Variants in PCMTD1 observed in about 807,000 individuals in gnomAD.
The protein encoded by PCMTD1 is protein-L-isoaspartate (D-aspartate) O-methyltransferase domain containing 1, also known as protein-L-isoaspartate O-methyltransferase domain-containing protein 1.
PCMTD1 carries 12 observed loss-of-function variants against 37.6 expected under a neutral mutation model. That is an observed-to-expected ratio of 0.32 (90% CI 0.20 to 0.52). The LOEUF is 0.52. Among genes scored for constraint, PCMTD1 ranks in the 20% least tolerant of loss-of-function variants. PCMTD1 has a pLI of 0.97. For missense variants in PCMTD1, 235 were observed against 421.3 expected, an observed-to-expected ratio of 0.56 and a Z score of 3.87; for synonymous variants, 117 against 135.8, an observed-to-expected ratio of 0.86 and a Z score of 0.96.
At chr8:51,851,245 T>C (rs1563346406) in intron 2 of PCMTD1, among the ~76,000 whole-genome samples, 2 of 152,182 alleles carry the variant, frequency 1.3e-5, no homozygotes, top group Admixed American at 6.5e-5. Context: ...TCCTGGAATT[T>C]GCCAGAAACA....
At chr8:51,838,522 T>C (rs1360606969) in intron 3 of PCMTD1, among the ~76,000 whole-genome samples, 1 of 152,094 alleles carries the variant, frequency 6.6e-6, no homozygotes, top group East Asian at 1.9e-4. Context: ...AAATGTTTAC[T>C]GATATTTATA....
intron 1 of PCMTD1, among the ~76,000 whole-genome samples, chr8:51,879,143 A>C (rs2038756391): frequency 6.6e-6 from 1 of 152,118 alleles, no homozygotes; most frequent in African/African-American, 2.4e-5. Context: ...AAAAAAGAAA[A>C]AAAGCAAGAA....
At chr8:51,882,820 A>G (rs928237458) in intron 1 of PCMTD1, among the ~76,000 whole-genome samples, 1 of 148,058 alleles carries the variant, frequency 6.8e-6, no homozygotes, top group African/African-American at 2.5e-5. Flanking sequence ...AGCATACTTA[A>G]AAAAAAAAAA....
chr8:51,864,594 A>C (rs1166134401), intron 1 of PCMTD1, among the ~76,000 whole-genome samples: 1 of 152,252 alleles, frequency 6.6e-6, no homozygotes, highest in African/African-American at 2.4e-5. Flanking sequence ...ACACACAGAA[A>C]TAAACAATAT....
At chr8:51,845,500 T>C (rs780814430) in intron 3 of PCMTD1, 161 bp downstream of exon 3, 12 of 521,004 alleles carry the variant, frequency 2.3e-5, no homozygotes, top group Non-Finnish European at 3.4e-5. Flanking sequence ...ATAGTAAAAG[T>C]TATACCACAG....
intron 2 of PCMTD1, among the ~76,000 whole-genome samples, chr8:51,853,210 G>A (rs2038334294): frequency 6.6e-6 from 1 of 152,200 alleles, no homozygotes; most frequent in Admixed American, 6.5e-5. Context: ...CAAGGGTGTA[G>A]GAGGGTAGAT....
Position 51,825,788 on chromosome 8 carries a change from C to CAAATCAAA in PCMTD1, c.707-5078_707-5071dup, listed in dbSNP as rs2037913059. ...ATCATCACTGGTCGTTAAAGAAATG[C>CAAATCAAA]AAATCAAAACCACAATGAAATGCCA... On this transcript the variant is annotated intron_variant, in intron 5 of 5. Transcript: ENST00000522514. 2.0e-5 allele frequency among the ~76,000 whole-genome samples: 3 copies of CAAATCAAA among 151,036 alleles called. No individual in the cohort carries two copies. The East Asian group carries it at 5.9e-4, about 29-fold the overall frequency.
At chr8:51,867,556 T>C (rs185966582) in intron 1 of PCMTD1, among the ~76,000 whole-genome samples, 63 of 151,132 alleles carry the variant, frequency 4.2e-4, no homozygotes, top group African/African-American at 1.5e-3. Context: ...AAGATAAATA[T>C]AGACTTACAT....
chr8:51,839,093 T>C lies in PCMTD1; in HGVS notation c.411-5404A>G, dbSNP rs907776893. ...TAAAAAGTAGCAATCATTTTTATTC[T>C]TTGAAAAAAAAAATGTTCAAAACAA... On this transcript the variant is annotated intron_variant, in intron 3 of 5. Transcript: ENST00000522514. Among the ~76,000 whole-genome samples the C allele has an allele frequency of 1.8e-4, 12 of 66,374 alleles. 1 individual carries two copies. Among genetic ancestry groups the C allele is most frequent in the Non-Finnish European group, 9.4e-4 (12 of 12,810 alleles). The allele number at this position is 66,374 out of a possible 152,430, so 43.5% of individuals were successfully genotyped here.
chr8:51,820,442 T>C lies in PCMTD1; in HGVS notation c.983A>G (p.Glu328Gly). 6.2e-7 allele frequency: 1 copy of C among 1,613,170 alleles called. No individual in the cohort carries two copies. Among genetic ancestry groups the C allele is most frequent in the Admixed American group, 1.7e-5 (1 of 59,832 alleles). The change falls in exon 6 of 6, where the codon GAG (glutamate) becomes GGG (glycine). Residue 328 changes from glutamate (E) to glycine (G), a missense_variant. Transcript: ENST00000522514. ...KDHNEAMKPEEPPQNLLREKI... is the reference protein window; with the variant it reads ...KDHNEAMKPEGPPQNLLREKI... ...TTCTCTCAGTAAATTTTGAGGTGGC[T>C]CCTCTGGCTTCATTGCTTCATTGTG...
At chr8:51,841,827 A>G (rs2038150554) in intron 3 of PCMTD1, among the ~76,000 whole-genome samples, 1 of 152,224 alleles carries the variant, frequency 6.6e-6, no homozygotes, top group Non-Finnish European at 1.5e-5. Context: ...GTACAATAGG[A>G]GTCAGCAAAC....
chr8:51,876,384 A>C (rs1255348532), intron 1 of PCMTD1, among the ~76,000 whole-genome samples: 1 of 86,908 alleles, frequency 1.2e-5, no homozygotes, highest in African/African-American at 2.6e-5. Context: ...AAATATACAT[A>C]AACACACACA....
chr8:51,847,013 T>C (rs1036504572), intron 2 of PCMTD1, among the ~76,000 whole-genome samples: 1 of 152,256 alleles, frequency 6.6e-6, no homozygotes, highest in African/African-American at 2.4e-5. Context: ...GCAATGTTTT[T>C]ACATTTTATA....
At chr8:51,849,558 A>G (rs891052274) in intron 2 of PCMTD1, 3 of 152,284 alleles carry the variant, frequency 2.0e-5, no homozygotes, top group African/African-American at 4.8e-5. Flanking sequence ...AAACAAATAC[A>G]GTTATTAGAA....
rs189969639 is a variant in PCMTD1, at chr8:51,870,556, T to C, written c.-95-9310A>G. Among the ~76,000 whole-genome samples, 9 of 152,352 alleles carry C rather than the reference T, an allele frequency of 5.9e-5. No individual in the cohort carries two copies. In the South Asian group the frequency reaches 6.2e-4, roughly 11 times the overall value. On this transcript the variant is annotated intron_variant, in intron 1 of 5. Transcript: ENST00000522514. ...ATTTTGTTTAAGTAGTGATAACATATAGCAGCAATTTCCTATGTGCCTACT... is the reference window on the plus strand; with the variant it reads ...ATTTTGTTTAAGTAGTGATAACATACAGCAGCAATTTCCTATGTGCCTACT...
chr8:51,887,788 C>T (rs1047489452), intron 1 of PCMTD1, among the ~76,000 whole-genome samples: 3 of 145,482 alleles, frequency 2.1e-5, no homozygotes, highest in African/African-American at 7.5e-5. Flanking sequence ...TGTCACCAGG[C>T]TGGAGTGCAG....
intron 1 of PCMTD1, among the ~76,000 whole-genome samples, chr8:51,880,757 T>C (rs575484541): frequency 6.6e-6 from 1 of 152,204 alleles, no homozygotes; most frequent in Non-Finnish European, 1.5e-5. Flanking sequence ...AGCAAACTTT[T>C]TCTGAAAAGG....
chr8:51,841,578 A>C (rs2038147586), intron 3 of PCMTD1, among the ~76,000 whole-genome samples: 1 of 152,210 alleles, frequency 6.6e-6, no homozygotes, highest in African/African-American at 2.4e-5. Flanking sequence ...TGTGGCTATA[A>C]ATAAATGCTA....
intron 2 of PCMTD1, among the ~76,000 whole-genome samples, chr8:51,855,203 A>AAGAC (rs2038367954): frequency 7.1e-6 from 1 of 140,142 alleles, no homozygotes; most frequent in African/African-American, 2.7e-5. Context: ...ACAAAAAAAA[A>AAGAC]ACATAATTTA....
Sources: allele counts gnomAD v4.1 joint callset (sites outside exome capture counted in the v4.1 genomes callset), GRCh38; gene constraint gnomAD v4.1.1; transcripts MANE v1.5; gene names NCBI Gene and HGNC (gene_info 2026-07-23, HGNC 2026-07-21).